Variants in PPM1H observed in about 807,000 individuals in gnomAD.
PPM1H encodes protein phosphatase, Mg2+/Mn2+ dependent 1H, also known as protein phosphatase 1H.
Under a neutral mutation model 54.9 loss-of-function variants are expected in PPM1H, and 27 were observed. The observed-to-expected ratio is 0.49, with a 90% CI of 0.36 to 0.68. PPM1H has a LOEUF of 0.68. PPM1H is among the 30% of genes least tolerant of loss of function. The pLI is 0.00. For missense variants in PPM1H, 596 were observed against 667.8 expected (o/e 0.89, Z 1.19); for synonymous variants, 305 against 270.8 (o/e 1.13, Z -1.24).
chr12:62,651,665 C>G (rs1238657331), intron 9 of PPM1H, among the ~76,000 whole-genome samples: 1 of 152,186 alleles, frequency 6.6e-6, no homozygotes, highest in Non-Finnish European at 1.5e-5. Flanking sequence ...ACCATCCACT[C>G]TGTTTTCCCT....
At chr12:62,859,606 T>G (rs774332111) in intron 1 of PPM1H, among the ~76,000 whole-genome samples, 1 of 152,218 alleles carries the variant, frequency 6.6e-6, no homozygotes, top group Non-Finnish European at 1.5e-5. Flanking sequence ...TCTTCCAAAT[T>G]TATACTGCTT....
chr12:62,706,011 G>T (rs1356548484), intron 6 of PPM1H, among the ~76,000 whole-genome samples: 1 of 152,212 alleles, frequency 6.6e-6, no homozygotes, highest in Non-Finnish European at 1.5e-5. Flanking sequence ...TGCTCAGATG[G>T]ATATTCATAT....
intron 1 of PPM1H, among the ~76,000 whole-genome samples, chr12:62,832,967 CAT>C (rs1365234264): frequency 6.6e-6 from 1 of 152,148 alleles, no homozygotes; most frequent in Non-Finnish European, 1.5e-5. Flanking sequence ...CGAATTACTA[CAT>C]GTTTTAAGCA....
chr12:62,915,753 G>C (rs1871602510), intron 1 of PPM1H, among the ~76,000 whole-genome samples: 1 of 152,204 alleles, frequency 6.6e-6, no homozygotes, highest in African/African-American at 2.4e-5. Context: ...AATGTTACCA[G>C]CACCCACTCT....
chr12:62,763,134 C>G (rs2076519808), intron 4 of PPM1H, among the ~76,000 whole-genome samples: 1 of 152,194 alleles, frequency 6.6e-6, no homozygotes, highest in African/African-American at 2.4e-5. Context: ...TATGTGCTAC[C>G]TCCCAGATCA....
chr12:62,852,640 A>C (rs1031763684), intron 1 of PPM1H, among the ~76,000 whole-genome samples: 2 of 152,370 alleles, frequency 1.3e-5, no homozygotes, highest in Non-Finnish European at 2.9e-5. Flanking sequence ...GTTTGGGCAA[A>C]GATCATCCAC....
chr12:62,900,512 G>A (rs1168611795), intron 1 of PPM1H, among the ~76,000 whole-genome samples: 2 of 145,296 alleles, frequency 1.4e-5, no homozygotes, highest in African/African-American at 5.1e-5. Context: ...TTGTGCACAT[G>A]TACCCTAGAA....
chr12:62,785,585 A>G (rs1445564747), intron 4 of PPM1H, among the ~76,000 whole-genome samples: 1 of 152,288 alleles, frequency 6.6e-6, no homozygotes, highest in East Asian at 1.9e-4. Context: ...ACTTTATAGT[A>G]CAACTTTACT....
chr12:62,934,531 TTGAGGA>T lies in PPM1H; in HGVS notation c.200_205del (p.Ile67_Leu68del). On this transcript the variant is annotated inframe_deletion, in exon 1 of 10. Transcript: ENST00000228705. The surrounding 1 kb of genome is among the most constrained non-coding windows in gnomAD (Gnocchi z 4.2). ...GGCCCAGGGCAGCCGCCGAGTCTCCTTGAGGATGAGGATGGGGCGGGCGATGTGGTC... is the reference window on the plus strand; with the variant it reads ...GGCCCAGGGCAGCCGCCGAGTCTCCTTGAGGATGGGGCGGGCGATGTGGTC... 1.9e-6 allele frequency: 3 copies of T among 1,551,936 alleles called. No homozygotes were observed. The highest frequency in any genetic ancestry group is 2.6e-6 in the Non-Finnish European group (3 of 1,148,312).
At chr12:62,836,025 CA>C (rs1372703041) in intron 1 of PPM1H, among the ~76,000 whole-genome samples, 1 of 152,192 alleles carries the variant, frequency 6.6e-6, no homozygotes, top group East Asian at 1.9e-4. Context: ...GCAGGTGGAC[CA>C]GGGGCACCAC....
rs1380317512 is a variant in PPM1H, at chr12:62,644,822, A to T, written c.*3667T>A. On this transcript the variant is annotated 3_prime_UTR_variant, in exon 10 of 10. Coordinates refer to ENST00000228705, the MANE Select transcript of PPM1H (RefSeq NM_020700.2). ...TGCTGTGGCCAGAGCTCGTTTTACCATTTTCTTAGATTGGATCACTTTTAG... is the reference window on the plus strand; with the variant it reads ...TGCTGTGGCCAGAGCTCGTTTTACCTTTTTCTTAGATTGGATCACTTTTAG... The T allele has an allele frequency of 1.3e-5, 2 of 152,116 alleles. No homozygotes were observed. The highest frequency in any genetic ancestry group is 2.4e-5 in the African/African-American group (1 of 41,430). 9.4% of individuals were successfully genotyped at this position (152,116 alleles called of 1,614,324 possible). A position where few individuals can be genotyped will look rare whatever the true frequency, so the allele number is the denominator to read the frequency against.
intron 9 of PPM1H, among the ~76,000 whole-genome samples, chr12:62,657,129 G>GAGTT (rs1208021381): frequency 1.3e-5 from 2 of 152,122 alleles, no homozygotes; most frequent in East Asian, 3.9e-4. Context: ...GGCTCATTGG[G>GAGTT]AGTTTGTGTG....
At chr12:62,818,723 A>G (rs898934069) in intron 2 of PPM1H, among the ~76,000 whole-genome samples, 5 of 152,198 alleles carry the variant, frequency 3.3e-5, no homozygotes, top group African/African-American at 1.2e-4. Context: ...ATCCAGGCAC[A>G]AGAAAAGTTC....
At chr12:62,659,268 G>GAAAAAAAAAAAAAAAAAA (rs2075866824) in intron 9 of PPM1H, 1 of 14,046 alleles carries the variant, frequency 7.1e-5, no homozygotes. Context: ...CGTAAAAACT[G>GAAAAAAAAAAAAAAAAAA]CAAAAAAAAA....
chr12:62,677,254 T>A (rs2075992994), intron 8 of PPM1H, among the ~76,000 whole-genome samples: 1 of 152,250 alleles, frequency 6.6e-6, no homozygotes, highest in African/African-American at 2.4e-5. Context: ...TACCTCATTC[T>A]TCCTGGATGT....
At chr12:62,893,967 G>A (rs566416595) in intron 1 of PPM1H, among the ~76,000 whole-genome samples, 1 of 152,282 alleles carries the variant, frequency 6.6e-6, no homozygotes, top group Admixed American at 6.5e-5. Context: ...GAAGAGACCA[G>A]GTGGAGAGAG....
At chr12:62,736,303 G>C (rs2076349054) in intron 5 of PPM1H, among the ~76,000 whole-genome samples, 1 of 149,884 alleles carries the variant, frequency 6.7e-6, no homozygotes, top group Admixed American at 6.6e-5. Flanking sequence ...AACACAGCTG[G>C]GGCCAGAATG....
chr12:62,811,064 G>A (rs11174662), intron 2 of PPM1H, among the ~76,000 whole-genome samples: 9,971 of 152,262 alleles, frequency 0.065, 436 homozygotes, highest in Middle Eastern at 0.12. Context: ...GGCATCACGT[G>A]AGTGGATAAC....
chr12:62,800,664 C>T (rs2076762433), intron 3 of PPM1H, among the ~76,000 whole-genome samples: 1 of 152,214 alleles, frequency 6.6e-6, no homozygotes, highest in Non-Finnish European at 1.5e-5. Flanking sequence ...AAGGCCATGA[C>T]TGCCCACTTG....
Sources: allele counts gnomAD v4.1 joint callset (sites outside exome capture counted in the v4.1 genomes callset), GRCh38; gene constraint gnomAD v4.1.1; non-coding constraint Gnocchi (gnomAD v3.1); transcripts MANE v1.5; gene names NCBI Gene and HGNC (gene_info 2026-07-23, HGNC 2026-07-21).